RUNX2: variants seen among roughly 807,000 people sequenced by gnomAD.
The protein encoded by RUNX2 is runt-related transcription factor 2.
RUNX2 carries 10 observed loss-of-function variants against 51.7 expected under a neutral mutation model. That is an observed-to-expected ratio of 0.19 (90% CI 0.12 to 0.33). RUNX2 has a LOEUF of 0.33. Ranked by LOEUF, RUNX2 falls within the 10% of genes least tolerant of loss-of-function variation. The pLI is 1.00. For synonymous variants in RUNX2, 276 were observed against 273.6 expected, an observed-to-expected ratio of 1.01 and a Z score of -0.09; for missense variants, 562 against 691.3, an observed-to-expected ratio of 0.81 and a Z score of 2.10.
chr6:45,523,251 G>T (rs529143335), intron 7 of RUNX2, among the ~76,000 whole-genome samples: 33 of 152,178 alleles, frequency 2.2e-4, no homozygotes, highest in Non-Finnish European at 3.7e-4. Flanking sequence ...CAGAGGAACT[G>T]CATGATTATT....
At chr6:45,509,632 G>A (rs1164366840) in intron 6 of RUNX2, among the ~76,000 whole-genome samples, 1 of 152,168 alleles carries the variant, frequency 6.6e-6, no homozygotes, top group East Asian at 1.9e-4. Context: ...TAACCCAGAT[G>A]AGGTCATACA....
chr6:45,427,942 GGT>G (rs1293874496), intron 3 of RUNX2, among the ~76,000 whole-genome samples: 1 of 152,082 alleles, frequency 6.6e-6, no homozygotes, highest in African/African-American at 2.4e-5. Context: ...GTTATGGTGA[GGT>G]GCGCTAAATA....
At chr6:45,359,854 G>A (rs1581890029) in intron 2 of RUNX2, among the ~76,000 whole-genome samples, 2 of 152,080 alleles carry the variant, frequency 1.3e-5, no homozygotes, top group South Asian at 4.1e-4. Flanking sequence ...GACCAGCCTG[G>A]GCAACACGAC....
intron 7 of RUNX2, among the ~76,000 whole-genome samples, chr6:45,527,330 A>G (rs1398431169): frequency 6.6e-6 from 1 of 152,232 alleles, no homozygotes; most frequent in African/African-American, 2.4e-5. Context: ...GCAGATTTTA[A>G]GCAGGGTCTT....
chr6:45,363,607 TTAAACATAA>T (rs1293504070), intron 2 of RUNX2, among the ~76,000 whole-genome samples: 1 of 152,090 alleles, frequency 6.6e-6, no homozygotes, highest in East Asian at 1.9e-4. Flanking sequence ...CTTAGTATTT[TTAAACATAA>T]TTAACATAAC....
At chr6:45,520,024 G>A (rs377382931) in intron 7 of RUNX2, among the ~76,000 whole-genome samples, 2 of 151,924 alleles carry the variant, frequency 1.3e-5, no homozygotes, top group African/African-American at 4.8e-5. Context: ...TAGTGATGGG[G>A]TTCCACCATG....
At chr6:45,493,514 G>C (rs12525705) in intron 6 of RUNX2, among the ~76,000 whole-genome samples, 10 of 152,042 alleles carry the variant, frequency 6.6e-5, no homozygotes, top group Non-Finnish European at 1.3e-4. Flanking sequence ...GAGTGGGGGG[G>C]CGGTGGTGAG....
chr6:45,499,187 T>C (rs1007111124), intron 6 of RUNX2, among the ~76,000 whole-genome samples: 1 of 152,240 alleles, frequency 6.6e-6, no homozygotes. Context: ...GGTTCTTTTT[T>C]ACTTTGGTGG....
chr6:45,346,567 C>CTT lies in RUNX2; in HGVS notation c.58+17797_58+17798dup, dbSNP rs71745024. On this transcript the variant is annotated intron_variant, in intron 2 of 8. Coordinates refer to ENST00000647337, the MANE Select transcript of RUNX2 (RefSeq NM_001024630.4). ...TATAATAGGAATTCAATAAACATTT[C>CTT]TTTTTTTTTTTTTTTCTTGAGATAG... is the stretch of plus-strand genomic sequence containing the variant. Among the ~76,000 whole-genome samples the CTT allele has an allele frequency of 6.8e-3, 948 of 140,400 alleles. 16 individuals are homozygous for CTT. Among genetic ancestry groups the CTT allele is most frequent in the African/African-American group, 0.021 (779 of 37,942 alleles). The allele number at this position is 140,400 out of a possible 152,430, so 92.1% of individuals were successfully genotyped here.
intron 2 of RUNX2, among the ~76,000 whole-genome samples, chr6:45,418,088 A>G (rs1798102666): frequency 1.3e-5 from 2 of 152,196 alleles, no homozygotes; most frequent in Admixed American, 6.5e-5. Flanking sequence ...TGTGCCCATA[A>G]TTTTCCATTG....
At chr6:45,542,988 C>T (rs1274605496) in intron 7 of RUNX2, among the ~76,000 whole-genome samples, 1 of 152,148 alleles carries the variant, frequency 6.6e-6, no homozygotes, top group Non-Finnish European at 1.5e-5. Flanking sequence ...GTTCCTCAAC[C>T]AGCATAAAGG....
At chr6:45,419,580 T>C (rs980191317) in intron 2 of RUNX2, among the ~76,000 whole-genome samples, 1 of 152,182 alleles carries the variant, frequency 6.6e-6, no homozygotes, top group Non-Finnish European at 1.5e-5. Context: ...CTCTCTCTCT[T>C]TTTTGAGGCG....
At chr6:45,405,710 C>T (rs1412910776) in intron 2 of RUNX2, among the ~76,000 whole-genome samples, 1 of 152,002 alleles carries the variant, frequency 6.6e-6, no homozygotes, top group Non-Finnish European at 1.5e-5. Flanking sequence ...TCACTTGAAC[C>T]CAGGAGGCAG....
intron 2 of RUNX2, among the ~76,000 whole-genome samples, chr6:45,397,901 C>T (rs560981811): frequency 9.9e-5 from 15 of 152,264 alleles, no homozygotes; most frequent in African/African-American, 3.1e-4. Context: ...TTGAGGTCTT[C>T]GAGGCAGGGA....
At chr6:45,386,408 C>T (rs1797349680) in intron 2 of RUNX2, among the ~76,000 whole-genome samples, 1 of 152,104 alleles carries the variant, frequency 6.6e-6, no homozygotes, top group African/African-American at 2.4e-5. Flanking sequence ...TCATTTCCTT[C>T]AAAACTATGC....
intron 2 of RUNX2, among the ~76,000 whole-genome samples, chr6:45,394,963 G>A (rs1269908907): frequency 6.6e-6 from 1 of 152,098 alleles, no homozygotes; most frequent in South Asian, 2.1e-4. Context: ...TGTGTGTGGG[G>A]GGGAGGCAAG....
chr6:45,446,453 C>T (rs1799000630), intron 5 of RUNX2, among the ~76,000 whole-genome samples: 1 of 151,400 alleles, frequency 6.6e-6, no homozygotes, highest in Admixed American at 6.6e-5. Flanking sequence ...AGGGACTTGA[C>T]AGGGACTTGA....
intron 2 of RUNX2, among the ~76,000 whole-genome samples, chr6:45,390,242 TTG>T (rs201842444): frequency 6.0e-4 from 85 of 142,168 alleles, no homozygotes; most frequent in Non-Finnish European, 9.4e-4. Context: ...ACTCAGCATT[TTG>T]TTTTTTATGC....
chr6:45,454,838 G>A (rs1453691623), intron 5 of RUNX2, among the ~76,000 whole-genome samples: 1 of 152,214 alleles, frequency 6.6e-6, no homozygotes, highest in East Asian at 1.9e-4. Context: ...CTCAGGCCGG[G>A]CATGCTGGCT....
Sources: gnomAD v4.1 joint callset for allele counts (sites outside exome capture counted in the v4.1 genomes callset) on GRCh38, gnomAD v4.1.1 for gene constraint, MANE v1.5 for transcripts, NCBI Gene and HGNC (gene_info 2026-07-23, HGNC 2026-07-21) for gene names.